The following SPIDR variants were observed in gnomAD, a reference collection of about 807,000 sequenced individuals.
SPIDR encodes the protein DNA repair-scaffolding protein.
SPIDR carries 93 observed loss-of-function variants against 104.6 expected under a neutral mutation model. The ratio of observed to expected loss-of-function variants is 0.89; its 90% CI spans 0.75 to 1.06. The LOEUF is 1.06. Among genes scored for constraint, SPIDR ranks in the 50% least tolerant of loss-of-function variants. The pLI is 0.00. For synonymous variants in SPIDR, 431 were observed against 416.9 expected (o/e 1.03, Z -0.41); for missense variants, 1,154 against 1,111.2 (o/e 1.04, Z -0.55).
At chr8:47,678,411 G>A (rs546446467) in intron 11 of SPIDR, among the ~76,000 whole-genome samples, 2 of 152,334 alleles carry the variant, frequency 1.3e-5, no homozygotes, top group South Asian at 2.1e-4. Flanking sequence ...TGAAGGAAGG[G>A]GAACAGAGAA....
At chr8:47,497,702 T>G (rs879878055) in intron 8 of SPIDR, among the ~76,000 whole-genome samples, 2 of 152,184 alleles carry the variant, frequency 1.3e-5, no homozygotes, top group Admixed American at 1.3e-4. Context: ...TTTGCTTGAT[T>G]TTTTTTGGTA....
At chr8:47,577,642 G>A (rs988037143) in intron 8 of SPIDR, among the ~76,000 whole-genome samples, 2 of 152,190 alleles carry the variant, frequency 1.3e-5, no homozygotes, top group African/African-American at 2.4e-5. Flanking sequence ...TATCCGCGGG[G>A]ATCCTGGAAG....
intron 10 of SPIDR, among the ~76,000 whole-genome samples, chr8:47,657,034 T>C (rs1407100382): frequency 6.6e-6 from 1 of 152,210 alleles, no homozygotes; most frequent in African/African-American, 2.4e-5. Flanking sequence ...AATTGATGGA[T>C]GGAGGTTTCC....
intron 8 of SPIDR, among the ~76,000 whole-genome samples, chr8:47,445,324 T>A (rs2154345780): frequency 6.6e-6 from 1 of 152,314 alleles, no homozygotes; most frequent in Non-Finnish European, 1.5e-5. Context: ...TAAGTGATCT[T>A]TGATATCACT....
At chr8:47,659,791 G>T (rs2073769704) in intron 10 of SPIDR, 24 of 904,006 alleles carry the variant, frequency 2.7e-5, no homozygotes, top group Non-Finnish European at 3.0e-5. Flanking sequence ...TTGAAGCTTC[G>T]TAAGAGATTA....
chr8:47,328,879 A>G (rs1008059563), intron 5 of SPIDR, among the ~76,000 whole-genome samples: 6 of 151,200 alleles, frequency 4.0e-5, no homozygotes, highest in Non-Finnish European at 8.8e-5. Flanking sequence ...CTTTGGCAAT[A>G]TTTAGTTCTT....
chr8:47,583,861 C>G (rs1041709886), intron 8 of SPIDR, among the ~76,000 whole-genome samples: 4 of 152,236 alleles, frequency 2.6e-5, no homozygotes, highest in African/African-American at 9.6e-5. Flanking sequence ...CTCCTAGCAG[C>G]TCCCAGAGGG....
intron 5 of SPIDR, among the ~76,000 whole-genome samples, chr8:47,324,754 A>C (rs1319298167): frequency 6.6e-6 from 1 of 152,218 alleles, no homozygotes; most frequent in Non-Finnish European, 1.5e-5. Flanking sequence ...TTTGAGTTAG[A>C]ATATCTGAGA....
chr8:47,308,469 C>CATAT (rs1554582836), intron 5 of SPIDR, among the ~76,000 whole-genome samples: 1 of 150,792 alleles, frequency 6.6e-6, no homozygotes, highest in Non-Finnish European at 1.5e-5. Flanking sequence ...TTAAGATTCT[C>CATAT]TGAGTCTTTT....
At chr8:47,604,998 C>T (rs889171930) in intron 10 of SPIDR, among the ~76,000 whole-genome samples, 3 of 152,190 alleles carry the variant, frequency 2.0e-5, no homozygotes, top group Non-Finnish European at 2.9e-5. Context: ...GCTCCAAAGG[C>T]ACTAATGCGT....
intron 10 of SPIDR, among the ~76,000 whole-genome samples, chr8:47,609,380 T>A (rs1479945474): frequency 6.6e-6 from 1 of 152,226 alleles, no homozygotes; most frequent in African/African-American, 2.4e-5. Context: ...CTTTTGCCCT[T>A]ATATTTTGGT....
chr8:47,297,572 A>G (rs893005197), intron 5 of SPIDR, among the ~76,000 whole-genome samples: 1 of 151,934 alleles, frequency 6.6e-6, no homozygotes, highest in Admixed American at 6.6e-5. Flanking sequence ...TCGTCATTTA[A>G]CATCAGGTAT....
At chr8:47,316,632 A>G (rs1338755948) in intron 5 of SPIDR, among the ~76,000 whole-genome samples, 2 of 152,210 alleles carry the variant, frequency 1.3e-5, no homozygotes, top group African/African-American at 4.8e-5. Context: ...ATTTACATCG[A>G]GTTCTAGAAC....
At chr8:47,299,816 G>C (rs1253623318) in intron 5 of SPIDR, among the ~76,000 whole-genome samples, 5 of 152,138 alleles carry the variant, frequency 3.3e-5, no homozygotes, top group Admixed American at 2.0e-4. Context: ...TGATCATGGT[G>C]GATAAGGTTT....
At chr8:47,647,090 T>C (rs561139362) in intron 10 of SPIDR, among the ~76,000 whole-genome samples, 3 of 152,296 alleles carry the variant, frequency 2.0e-5, no homozygotes, top group African/African-American at 7.2e-5. Flanking sequence ...TTGAATAATA[T>C]GACATACAGC....
chr8:47,287,551 C>T (rs1012020463), intron 3 of SPIDR, among the ~76,000 whole-genome samples: 1 of 152,118 alleles, frequency 6.6e-6, no homozygotes, highest in African/African-American at 2.4e-5. Flanking sequence ...AGACCTCCCC[C>T]CAGGAATGCA....
chr8:47,594,370 A>G (rs1178917978), intron 8 of SPIDR, among the ~76,000 whole-genome samples: 1 of 151,830 alleles, frequency 6.6e-6, no homozygotes. Flanking sequence ...CCATCTCAAA[A>G]AAAAGAAAAA....
At chr8:47,675,883 A>G (rs952963036) in intron 11 of SPIDR, among the ~76,000 whole-genome samples, 1 of 152,234 alleles carries the variant, frequency 6.6e-6, no homozygotes, top group Admixed American at 6.5e-5. Flanking sequence ...TAGTTATGGT[A>G]ACCATCAGGG....
chr8:47,399,198 G>A (rs911737833), intron 6 of SPIDR, among the ~76,000 whole-genome samples: 28 of 152,216 alleles, frequency 1.8e-4, no homozygotes, highest in African/African-American at 4.3e-4. Flanking sequence ...GGAAACTGCT[G>A]AGGCAGGGGA....
Sources: allele counts gnomAD v4.1 joint callset (sites outside exome capture counted in the v4.1 genomes callset), GRCh38; gene constraint gnomAD v4.1.1; transcripts MANE v1.5; gene names NCBI Gene and HGNC (gene_info 2026-07-23, HGNC 2026-07-21).